Variants in TEX29 observed in about 807,000 individuals in gnomAD.
TEX29 encodes testis expressed 29.
TEX29 carries 26 observed loss-of-function variants against 18.2 expected under a neutral mutation model. That is an observed-to-expected ratio of 1.43 (90% CI 1.04 to 1.98). The LOEUF (loss-of-function observed/expected upper bound fraction) is 1.98. Among genes scored for constraint, TEX29 ranks in the 30% most tolerant of loss-of-function variants. TEX29 has a pLI of 0.00. For missense variants in TEX29, 177 were observed against 194.2 expected (o/e 0.91, Z 0.53); for synonymous variants, 83 against 78.5 (o/e 1.06, Z -0.31).
At chr13:111,331,059 A>G (rs950767879) in intron 3 of TEX29, among the ~76,000 whole-genome samples, 2 of 152,198 alleles carry the variant, frequency 1.3e-5, no homozygotes, top group Non-Finnish European at 2.9e-5. Flanking sequence ...TCTTGGGTAT[A>G]TTCCTAGGGG....
intron 3 of TEX29, among the ~76,000 whole-genome samples, chr13:111,337,941 G>A (rs34782961): frequency 0.092 from 14,035 of 152,190 alleles, 869 homozygotes; most frequent in Middle Eastern, 0.19. Context: ...GGAAAATCGA[G>A]GATGTGGGTT....
chr13:111,320,983 T>TGG, intron 2 of TEX29, 35 bp downstream of exon 2: 1 of 193,508 alleles, frequency 5.2e-6, no homozygotes, highest in South Asian at 7.5e-5. Context: ...GCGGGTGGGG[T>TGG]GGGGGAGCAG....
chr13:111,330,906 T>C (rs1343632075), intron 3 of TEX29, among the ~76,000 whole-genome samples: 1 of 152,234 alleles, frequency 6.6e-6, no homozygotes, highest in African/African-American at 2.4e-5. Flanking sequence ...GCGGAGTCAT[T>C]GTCCACTGTA....
intron 3 of TEX29, 44 bp downstream of exon 3, chr13:111,328,337 C>T: frequency 7.1e-7 from 1 of 1,415,716 alleles, no homozygotes; most frequent in Non-Finnish European, 1.0e-6. Flanking sequence ...GCCGAGGTAG[C>T]TGGTGACCAT....
At chr13:111,334,409 G>C (rs1263581379) in intron 3 of TEX29, among the ~76,000 whole-genome samples, 1 of 152,236 alleles carries the variant, frequency 6.6e-6, no homozygotes, top group African/African-American at 2.4e-5. Context: ...TAGGGGTTCT[G>C]TGTGCGTGCT....
chr13:111,344,087 A>G lies in TEX29; in HGVS notation c.420A>G (p.Thr140=), dbSNP rs1174707812. 6.2e-7 allele frequency: 1 copy of G among 1,611,926 alleles called. No homozygotes were observed. The highest frequency in any genetic ancestry group is 1.7e-5 in the Admixed American group (1 of 59,854). ...MKSDEDKDDV[T]GTITEAEETE... The stretch of plus-strand genomic sequence containing the variant: ...TCTTCTTTTCTAAAAATCTAGTAAC[A>G]GGGACAATAACAGAAGCCGAAGAAA... Residue 140 remains threonine, a synonymous_variant, in exon 6 of 6, where the codon ACA becomes ACG. Coordinates refer to ENST00000283547, the MANE Select transcript of TEX29 (RefSeq NM_152324.3).
At chr13:111,326,345 T>C (rs149330371) in intron 2 of TEX29, among the ~76,000 whole-genome samples, 150 of 6,694 alleles carry the variant, frequency 0.022, 11 homozygotes, top group Middle Eastern at 0.19. Context: ...AACGCGAGCC[T>C]GGGGCTGGTG....
chr13:111,329,349 C>T (rs1471819694), intron 3 of TEX29, among the ~76,000 whole-genome samples: 1 of 152,064 alleles, frequency 6.6e-6, no homozygotes, highest in South Asian at 2.1e-4. Context: ...CCACTCTTTT[C>T]TCCACCCCCA....
intron 3 of TEX29, among the ~76,000 whole-genome samples, chr13:111,338,522 A>G (rs1426646615): frequency 6.6e-6 from 1 of 152,124 alleles, no homozygotes; most frequent in African/African-American, 2.4e-5. Flanking sequence ...TTCTTACAGC[A>G]TCCCTGGCAA....
chr13:111,318,615 ATCTG>A (rs1385743066), upstream of TEX29, among the ~76,000 whole-genome samples: 8 of 137,218 alleles, frequency 5.8e-5, no homozygotes, highest in East Asian at 4.8e-3. Flanking sequence ...CTGCAGGCTC[ATCTG>A]TCTCCACTCC....
intron 2 of TEX29, among the ~76,000 whole-genome samples, chr13:111,327,136 T>C (rs1355158808): frequency 6.6e-6 from 1 of 152,088 alleles, no homozygotes; most frequent in African/African-American, 2.4e-5. Context: ...GAGGAGAGGG[T>C]GGCAGCAGCC....
At chr13:111,344,057 AC>A in intron 5 of TEX29, 25 bp from the exon 6 acceptor site, 1 of 1,599,198 alleles carries the variant, frequency 6.3e-7, no homozygotes, top group Non-Finnish European at 8.6e-7. Flanking sequence ...ATTTGAAAAA[AC>A]AATTCTTCTT....
chr13:111,322,678 G>A (rs1189313197), intron 2 of TEX29, among the ~76,000 whole-genome samples: 3 of 152,218 alleles, frequency 2.0e-5, no homozygotes, highest in Non-Finnish European at 2.9e-5. Flanking sequence ...GTCTGCAGGC[G>A]ACACTCCTGT....
intron 3 of TEX29, among the ~76,000 whole-genome samples, chr13:111,332,476 A>G (rs964282140): frequency 1.3e-5 from 2 of 151,932 alleles, no homozygotes; most frequent in Non-Finnish European, 2.9e-5. Context: ...ATGGCATCTG[A>G]AAATATAGTT....
intron 2 of TEX29, among the ~76,000 whole-genome samples, chr13:111,326,489 G>GCC (rs2093673728): frequency 6.7e-6 from 1 of 148,306 alleles, no homozygotes; most frequent in African/African-American, 2.5e-5. Context: ...GTGCGAGCCT[G>GCC]TCTGGTGGGG....
intron 3 of TEX29, among the ~76,000 whole-genome samples, chr13:111,329,929 A>C (rs1486417696): frequency 6.6e-6 from 1 of 152,118 alleles, no homozygotes; most frequent in Non-Finnish European, 1.5e-5. Flanking sequence ...GAGCCCCTAG[A>C]ACTTGTAAGT....
At chr13:111,322,679 A>G (rs2093666703) in intron 2 of TEX29, among the ~76,000 whole-genome samples, 1 of 152,220 alleles carries the variant, frequency 6.6e-6, no homozygotes. Flanking sequence ...TCTGCAGGCG[A>G]CACTCCTGTG....
chr13:111,336,935 C>T (rs532199053), intron 3 of TEX29, among the ~76,000 whole-genome samples: 6 of 152,278 alleles, frequency 3.9e-5, no homozygotes, highest in South Asian at 2.1e-4. Context: ...AATACTAAGA[C>T]GCTGACTAAT....
At chr13:111,329,485 C>T (rs898902613) in intron 3 of TEX29, among the ~76,000 whole-genome samples, 2 of 151,166 alleles carry the variant, frequency 1.3e-5, no homozygotes, top group African/African-American at 2.4e-5. Flanking sequence ...AGGTCCTCTT[C>T]GTTCCCTGTA....
Sources: gnomAD v4.1 joint callset for allele counts (sites outside exome capture counted in the v4.1 genomes callset) on GRCh38, gnomAD v4.1.1 for gene constraint, MANE v1.5 for transcripts, NCBI Gene and HGNC (gene_info 2026-07-23, HGNC 2026-07-21) for gene names.